NPAT: variants seen among roughly 807,000 people sequenced by gnomAD.
The protein encoded by NPAT is protein NPAT.
Under a neutral mutation model 130.7 loss-of-function variants are expected in NPAT, and 52 were observed. The observed-to-expected ratio is 0.40, with a 90% CI of 0.32 to 0.50. The LOEUF (loss-of-function observed/expected upper bound fraction) is 0.50. NPAT is among the 20% of genes least tolerant of loss of function. The probability of loss-of-function intolerance (pLI) is 0.68; values close to 1 mark genes in which losing one functional copy is unlikely to be tolerated. For missense variants in NPAT, 1,687 were observed against 1,662.6 expected, an observed-to-expected ratio of 1.01 and a Z score of -0.26; for synonymous variants, 580 against 584.8, an observed-to-expected ratio of 0.99 and a Z score of 0.12.
At chr11:108,199,751 C>T (rs533790561) in intron 1 of NPAT, among the ~76,000 whole-genome samples, 6 of 152,226 alleles carry the variant, frequency 3.9e-5, no homozygotes, top group African/African-American at 1.4e-4. Context: ...TGCATAGGAT[C>T]GGAATAAGGT....
intron 15 of NPAT, among the ~76,000 whole-genome samples, chr11:108,167,865 C>T (rs1163025794): frequency 6.6e-6 from 1 of 151,920 alleles, no homozygotes; most frequent in African/African-American, 2.4e-5. Flanking sequence ...AAGTATAACA[C>T]CTCAACAGAC....
chr11:108,175,992 A>G (rs1419763448), intron 12 of NPAT, among the ~76,000 whole-genome samples: 1 of 152,206 alleles, frequency 6.6e-6, no homozygotes, highest in East Asian at 1.9e-4. Context: ...AGCCTGGATG[A>G]CAAGAGGGAG....
chr11:108,183,122 A>AG (rs2078072642), intron 10 of NPAT, among the ~76,000 whole-genome samples: 1 of 152,006 alleles, frequency 6.6e-6, no homozygotes, highest in African/African-American at 2.4e-5. Flanking sequence ...TTGGGACAAC[A>AG]GGTACATGCA....
Position 108,190,506 on chromosome 11 carries a change from A to G in NPAT, c.291-6T>C, listed in dbSNP as rs1275937580. The G allele has an allele frequency of 1.2e-6, 2 of 1,613,070 alleles. No homozygotes were observed. Among genetic ancestry groups the G allele is most frequent in the Non-Finnish European group, 1.7e-6 (2 of 1,179,060 alleles). On this transcript the variant is annotated splice_polypyrimidine_tract_variant and splice_region_variant and intron_variant, in intron 4 of 17. Transcript: ENST00000278612. The stretch of plus-strand genomic sequence containing the variant: ...TTGGGGAACTTTGCATGCTCCTAAC[A>G]AAGAAAACAAAGTAGTTATCCATCA...
At position 108,161,926 on chromosome 11, in the gene NPAT, G is replaced by T. The variant is rs2134819892; in HGVS notation, c.3160C>A (p.Pro1054Thr). 6.2e-7 allele frequency: 1 copy of T among 1,609,546 alleles called. No individual in the cohort carries two copies. The highest frequency in any genetic ancestry group is 8.5e-7 in the Non-Finnish European group (1 of 1,177,744). Residue 1054 changes from proline to threonine, a missense_variant, in exon 17 of 18, where the codon CCA becomes ACA. Physicochemically the swap from Pro to Thr is conservative, Grantham distance 38. Transcript: ENST00000278612. ...TVPFPEESIV[P>T]AAKPCHRRVL... The stretch of plus-strand genomic sequence containing the variant: ...CGTCTGTGGCATGGTTTAGCAGCTG[G>T]AACTATACTCTCTTCTGGGAAGGGA...
At chr11:108,185,538 T>A (rs757591186) in intron 8 of NPAT, 44 bp from the exon 9 acceptor site, 1 of 1,206,826 alleles carries the variant, frequency 8.3e-7, no homozygotes, top group Non-Finnish European at 1.2e-6. Flanking sequence ...ATAAAGAGTA[T>A]TCTGCTATTT....
intron 1 of NPAT, among the ~76,000 whole-genome samples, chr11:108,211,948 T>C (rs1051793661): frequency 4.0e-5 from 6 of 151,422 alleles, no homozygotes; most frequent in African/African-American, 1.5e-4. Context: ...AGAACCTGTT[T>C]CAAAAGCAAA....
intron 1 of NPAT, among the ~76,000 whole-genome samples, chr11:108,214,307 T>A (rs572202966): frequency 1.3e-5 from 2 of 152,238 alleles, no homozygotes; most frequent in East Asian, 3.9e-4. Flanking sequence ...TGCTACAACA[T>A]GGAATAAGGC....
intron 17 of NPAT, 151 bp downstream of exon 17, chr11:108,160,729 G>T: frequency 4.2e-6 from 3 of 708,350 alleles, no homozygotes; most frequent in Middle Eastern, 3.9e-4. Context: ...TATTGGTCCT[G>T]TGATCATGGT....
intron 1 of NPAT, among the ~76,000 whole-genome samples, chr11:108,209,808 G>A (rs1405064653): frequency 6.8e-6 from 1 of 147,306 alleles, no homozygotes; most frequent in East Asian, 2.1e-4. Flanking sequence ...AGAATGGCAT[G>A]AACCTGGGAG....
At chr11:108,205,993 C>A (rs1030745677) in intron 1 of NPAT, among the ~76,000 whole-genome samples, 1 of 152,056 alleles carries the variant, frequency 6.6e-6, no homozygotes, top group African/African-American at 2.4e-5. Flanking sequence ...TGCAGTGAGG[C>A]GAGATCATGC....
intron 8 of NPAT, among the ~76,000 whole-genome samples, chr11:108,186,043 G>A (rs1274237939): frequency 6.6e-6 from 1 of 151,372 alleles, no homozygotes; most frequent in East Asian, 1.9e-4. Context: ...TTGAGACAGG[G>A]TCTGACTCTG....
chr11:108,216,907 A>C (rs1400314391), intron 1 of NPAT, among the ~76,000 whole-genome samples: 1 of 152,200 alleles, frequency 6.6e-6, no homozygotes, highest in Non-Finnish European at 1.5e-5. Context: ...AAAGTTCCAA[A>C]ATAATGTAGT....
intron 1 of NPAT, among the ~76,000 whole-genome samples, chr11:108,213,842 T>C (rs532764686): frequency 3.7e-4 from 56 of 152,302 alleles, no homozygotes; most frequent in African/African-American, 1.2e-3. Context: ...CAGACCTTTC[T>C]TATTTATCTA....
rs1040621015 is a variant in NPAT at position 108,157,265 on chromosome 11, C to A, written c.*1677G>T. 2.0e-5 allele frequency: 3 copies of A among 152,096 alleles called. No homozygotes were observed. The highest frequency in any genetic ancestry group is 1.3e-4 in the Admixed American group (2 of 15,276). 9.4% of individuals were successfully genotyped at this position (152,096 alleles called of 1,614,324 possible). On this transcript the variant is annotated 3_prime_UTR_variant, in exon 18 of 18. Transcript: ENST00000278612. ...ATGAATTTTCAGTGCTTAGTACATA[C>A]AACTATGAATTGAATAAGAAGAAAA...
rs12274438 is a variant in NPAT, at chr11:108,215,875, T to C, written c.37+6625A>G. ...ATTTGGATATCTGAAGAAAGCTTTA[T>C]CTCAGATAACATGACTTCAATCTTC... On this transcript the variant is annotated intron_variant, in intron 1 of 17. Transcript: ENST00000278612. Among the ~76,000 whole-genome samples the C allele has an allele frequency of 7.6e-3, 1,157 of 152,336 alleles. 11 individuals are homozygous for C. Among genetic ancestry groups the C allele is most frequent in the African/African-American group, 0.025 (1,059 of 41,578 alleles).
chr11:108,190,153 T>C (rs1252930699), intron 5 of NPAT, among the ~76,000 whole-genome samples: 1 of 148,732 alleles, frequency 6.7e-6, no homozygotes, highest in East Asian at 2.0e-4. Flanking sequence ...CTACTAAAAA[T>C]ACAAAAAAAA....
At chr11:108,209,783 G>T (rs2078365707) in intron 1 of NPAT, among the ~76,000 whole-genome samples, 1 of 151,212 alleles carries the variant, frequency 6.6e-6, no homozygotes, top group Non-Finnish European at 1.5e-5. Flanking sequence ...CAGCTCCTCG[G>T]GAGGCTGAGG....
intron 15 of NPAT, among the ~76,000 whole-genome samples, chr11:108,163,661 G>A (rs896732400): frequency 5.3e-5 from 8 of 152,254 alleles, no homozygotes; most frequent in African/African-American, 1.9e-4. Flanking sequence ...TATGTAGTTT[G>A]AAGGCCTTGA....
Sources: allele counts gnomAD v4.1 joint callset (sites outside exome capture counted in the v4.1 genomes callset), GRCh38; gene constraint gnomAD v4.1.1; transcripts MANE v1.5; gene names NCBI Gene and HGNC (gene_info 2026-07-23, HGNC 2026-07-21).